Variants in ADCY10 observed in about 807,000 individuals in gnomAD.
ADCY10 encodes adenylate cyclase 10.
In ADCY10, 156 loss-of-function variants were observed where a neutral mutation model predicts 183.3. The ratio of observed to expected loss-of-function variants is 0.85; its 90% CI spans 0.75 to 0.97. The LOEUF (loss-of-function observed/expected upper bound fraction) is 0.97. Among genes scored for constraint, ADCY10 ranks in the 50% least tolerant of loss-of-function variants. The pLI is 0.00. For missense variants in ADCY10, 1,745 were observed against 1,934.3 expected, an observed-to-expected ratio of 0.90 and a Z score of 1.84; for synonymous variants, 645 against 670.0, an observed-to-expected ratio of 0.96 and a Z score of 0.58.
At chr1:167,848,295 C>T (rs925348053) in intron 19 of ADCY10, 66 bp downstream of exon 19, 36 of 1,370,470 alleles carry the variant, frequency 2.6e-5, no homozygotes, top group Admixed American at 2.4e-4. Context: ...GTGATCCGCC[C>T]GCCTCGGCCT....
chr1:167,848,296 G>A (rs1004862064), intron 19 of ADCY10, 65 bp downstream of exon 19: 28 of 1,375,530 alleles, frequency 2.0e-5, no homozygotes, highest in South Asian at 1.2e-4. Flanking sequence ...TGATCCGCCC[G>A]CCTCGGCCTC....
intron 16 of ADCY10, among the ~76,000 whole-genome samples, chr1:167,859,046 A>G (rs757299760): frequency 3.9e-5 from 6 of 152,230 alleles, no homozygotes; most frequent in Non-Finnish European, 5.9e-5. Flanking sequence ...ATGATACAGA[A>G]TGGCATAATT....
At chr1:167,849,779 T>A (rs3767451) in intron 18 of ADCY10, among the ~76,000 whole-genome samples, 2 of 151,958 alleles carry the variant, frequency 1.3e-5, no homozygotes, top group East Asian at 3.9e-4. Flanking sequence ...AAAGGCTTGA[T>A]AGGGGAGGAA....
chr1:167,840,000 G>A lies in ADCY10; in HGVS notation c.3008-2682C>T, dbSNP rs140877930. On this transcript the variant is annotated intron_variant, in intron 21 of 32. Coordinates refer to ENST00000367851, the MANE Select transcript of ADCY10 (RefSeq NM_018417.6). Reference sequence around the variant, plus strand: ...TTTGGGAGGCTGAGGTGGGAGGATCGTTTGAGTCCAGGAGTTTGAGACTAG... The same window carrying A: ...TTTGGGAGGCTGAGGTGGGAGGATCATTTGAGTCCAGGAGTTTGAGACTAG... Among the ~76,000 whole-genome samples the A allele has an allele frequency of 2.6e-3, 397 of 151,366 alleles. 3 individuals carry two copies. The highest frequency in any genetic ancestry group is 8.4e-3 in the African/African-American group (346 of 41,220).
intron 23 of ADCY10, among the ~76,000 whole-genome samples, 197 bp downstream of exon 23, chr1:167,836,112 C>T (rs1664172529): frequency 6.6e-6 from 1 of 152,158 alleles, no homozygotes; most frequent in Admixed American, 6.5e-5. Flanking sequence ...ATTTACAATG[C>T]TAGTTGCAAT....
intron 1 of ADCY10, among the ~76,000 whole-genome samples, chr1:167,906,736 C>T (rs1186545397): frequency 6.6e-6 from 1 of 151,992 alleles, no homozygotes; most frequent in Non-Finnish European, 1.5e-5. Flanking sequence ...CTGCAAGGAG[C>T]TGAGATCGTG....
At chr1:167,894,665 C>A (rs1456152211) in intron 7 of ADCY10, among the ~76,000 whole-genome samples, 1 of 151,816 alleles carries the variant, frequency 6.6e-6, no homozygotes, top group African/African-American at 2.4e-5. Flanking sequence ...TGATTTGTAG[C>A]CTTTATAATA....
intron 18 of ADCY10, among the ~76,000 whole-genome samples, chr1:167,849,290 G>A (rs1055834820): frequency 1.3e-5 from 2 of 152,202 alleles, no homozygotes; most frequent in African/African-American, 4.8e-5. Context: ...AAATGGTGAA[G>A]TTTGAATAGT....
At chr1:167,904,607 T>C (rs940653859) in intron 2 of ADCY10, 7 of 508,352 alleles carry the variant, frequency 1.4e-5, no homozygotes, top group African/African-American at 1.3e-4. Flanking sequence ...TTTCAAACAC[T>C]TCTGAAGAGG....
At chr1:167,899,053 G>C (rs1669206134) in intron 6 of ADCY10, among the ~76,000 whole-genome samples, 1 of 152,096 alleles carries the variant, frequency 6.6e-6, no homozygotes, top group South Asian at 2.1e-4. Context: ...GGGTTAGGAG[G>C]GTGTTGGGTA....
intron 29 of ADCY10, among the ~76,000 whole-genome samples, 181 bp downstream of exon 29, chr1:167,822,827 C>G (rs1662996814): frequency 6.6e-6 from 1 of 152,118 alleles, no homozygotes; most frequent in Non-Finnish European, 1.5e-5. Flanking sequence ...CGTGCCTTTA[C>G]AATCTCGGCA....
rs187136019 is a variant in ADCY10 at position 167,884,801 on chromosome 1, G to A, written c.829-1173C>T. 1.8e-3 allele frequency among the ~76,000 whole-genome samples: 278 copies of A among 150,790 alleles called. 1 individual carries two copies. The highest frequency in any genetic ancestry group is 6.3e-3 in the African/African-American group (259 of 41,018). ...CAACCTCTGCCTCCTGGGTTCAAGCGATTCTCCTGCCTCAGCTTCCAGAGT... is the reference window on the plus strand; with the variant it reads ...CAACCTCTGCCTCCTGGGTTCAAGCAATTCTCCTGCCTCAGCTTCCAGAGT... On this transcript the variant is annotated intron_variant, in intron 8 of 32. Transcript: ENST00000367851.
In ADCY10 at chr1:167,824,666, A is replaced by G. The variant is rs1663145603; in HGVS notation, c.3940T>C (p.Leu1314=). ...FNKLIMGHLD[L]AIELGSRALQ... is the part of the protein sequence containing the mutation. ...CAGCCCTTACCTAACTCAATGGCCA[A>G]ATCCAGGTGTCCCATTATGAGCTTG... The change falls in exon 27 of 33, where the codon TTG becomes CTG. Residue 1314 remains leucine, a synonymous_variant. Coordinates refer to ENST00000367851, the MANE Select transcript of ADCY10 (RefSeq NM_018417.6). 14 of 1,614,164 alleles carry G rather than the reference A, an allele frequency of 8.7e-6. No individual in the cohort carries two copies. The highest frequency in any genetic ancestry group is 1.3e-5 in the African/African-American group (1 of 75,036).
At chr1:167,870,751 G>A (rs1195814554) in intron 13 of ADCY10, among the ~76,000 whole-genome samples, 2 of 151,280 alleles carry the variant, frequency 1.3e-5, no homozygotes, top group Non-Finnish European at 2.9e-5. Context: ...GGAGGTTGCA[G>A]CGAGCCGGGA....
At chr1:167,831,486 A>G (rs1269555867) in intron 25 of ADCY10, among the ~76,000 whole-genome samples, 1 of 152,110 alleles carries the variant, frequency 6.6e-6, no homozygotes, top group South Asian at 2.1e-4. Context: ...GAGCCACAAC[A>G]CCCAGCCCTG....
At chr1:167,875,810 AGGCATGGT>A (rs1667415098) in intron 12 of ADCY10, among the ~76,000 whole-genome samples, 1 of 152,240 alleles carries the variant, frequency 6.6e-6, no homozygotes, top group East Asian at 1.9e-4. Flanking sequence ...GAAATTAGCC[AGGCATGGT>A]GGCGGTTGCC....
chr1:167,897,284 G>A (rs1406838449), intron 6 of ADCY10, among the ~76,000 whole-genome samples: 1 of 149,256 alleles, frequency 6.7e-6, no homozygotes, highest in Admixed American at 6.7e-5. Context: ...TCAGGAGTTC[G>A]AGACCAGCCT....
At chr1:167,820,601 T>G (rs1227641240) in intron 30 of ADCY10, 8 of 208,168 alleles carry the variant, frequency 3.8e-5, no homozygotes, top group Non-Finnish European at 6.6e-5. Context: ...GCAAGAGTAA[T>G]CAATTTTTGG....
intron 31 of ADCY10, among the ~76,000 whole-genome samples, chr1:167,811,902 C>T (rs1472575162): frequency 1.3e-5 from 2 of 152,164 alleles, no homozygotes; most frequent in Non-Finnish European, 2.9e-5. Flanking sequence ...ATTACACTGG[C>T]AGAATCTGTC....
Sources: gnomAD v4.1 joint callset for allele counts (sites outside exome capture counted in the v4.1 genomes callset) on GRCh38, gnomAD v4.1.1 for gene constraint, MANE v1.5 for transcripts, NCBI Gene and HGNC (gene_info 2026-07-23, HGNC 2026-07-21) for gene names.